The following UNC80 variants were observed in gnomAD, a reference collection of about 807,000 sequenced individuals.
UNC80 encodes protein unc-80 homolog.
A neutral mutation model predicts 384.6 loss-of-function variants in UNC80; 164 were observed. The ratio of observed to expected loss-of-function variants is 0.43; its 90% CI spans 0.38 to 0.49. The LOEUF is 0.49. Ranked by LOEUF, UNC80 falls within the 20% of genes least tolerant of loss-of-function variation. UNC80 has a pLI of 0.00. For synonymous variants in UNC80, 1,486 were observed against 1,527.8 expected, an observed-to-expected ratio of 0.97 and a Z score of 0.64; for missense variants, 3,330 against 4,143.0, an observed-to-expected ratio of 0.80 and a Z score of 5.39.
At chr2:209,806,681 C>G (rs1219651351) in intron 7 of UNC80, among the ~76,000 whole-genome samples, 1 of 152,212 alleles carries the variant, frequency 6.6e-6, no homozygotes, top group Non-Finnish European at 1.5e-5. Context: ...ATCCTAGTAA[C>G]AAAAGCTGTC....
chr2:209,820,327 T>C lies in UNC80; in HGVS notation c.1979T>C (p.Val660Ala). Residue 660 changes from valine to alanine, a missense_variant, in exon 13 of 65, where the codon GTT (valine) becomes GCT (alanine). Coordinates refer to ENST00000673920, the MANE Select transcript of UNC80 (RefSeq NM_001371986.1). ...TTTCCTCAGGTAGTTCTGAAGGCTG[T>C]TTATCTTGTCCTTAATCATGACATC... ...MLDLSVVLKAVYLVLNHDISS... is the reference protein window; with the variant it reads ...MLDLSVVLKAAYLVLNHDISS... 6.5e-7 allele frequency: 1 copy of C among 1,544,608 alleles called. No individual in the cohort carries two copies. The highest frequency in any genetic ancestry group is 8.7e-7 in the Non-Finnish European group (1 of 1,144,084).
At chr2:209,785,952 A>T in intron 4 of UNC80, 114 bp from the exon 5 acceptor site, 2 of 1,237,444 alleles carry the variant, frequency 1.6e-6, no homozygotes, top group South Asian at 1.7e-5. Context: ...GGTTTGGCAG[A>T]TAAATTCACT....
chr2:209,950,304 T>C (rs1034453043), intron 47 of UNC80, among the ~76,000 whole-genome samples: 1 of 152,162 alleles, frequency 6.6e-6, no homozygotes, highest in African/African-American at 2.4e-5. Flanking sequence ...CTAAATTTAT[T>C]GACAGAAATT....
chr2:209,945,141 T>G lies in UNC80; in HGVS notation c.7141T>G (p.Leu2381Val), dbSNP rs1261168375. The change falls in exon 46 of 65, where the codon TTA (leucine) becomes GTA (valine). Residue 2381 changes from leucine to valine, a missense_variant. Coordinates refer to ENST00000673920, the MANE Select transcript of UNC80 (RefSeq NM_001371986.1). ...CCTAGAGGGAGAGACCACCGACATATTAGACATCTTAGAGCTGGTCAAAGC... is the reference window on the plus strand; with the variant it reads ...CCTAGAGGGAGAGACCACCGACATAGTAGACATCTTAGAGCTGGTCAAAGC... ...QSLEGETTDI[L>V]DILELVKAEK... The G allele has an allele frequency of 3.4e-5, 53 of 1,551,462 alleles. No homozygotes were observed. Among genetic ancestry groups the G allele is most frequent in the Non-Finnish European group, 4.6e-5 (53 of 1,146,910 alleles).
At chr2:209,782,160 A>G (rs1449066428) in intron 4 of UNC80, among the ~76,000 whole-genome samples, 1 of 152,152 alleles carries the variant, frequency 6.6e-6, no homozygotes, top group African/African-American at 2.4e-5. Context: ...AAGGTGACCT[A>G]TCAAAAATGT....
intron 6 of UNC80, among the ~76,000 whole-genome samples, chr2:209,792,662 T>A (rs1236745519): frequency 6.6e-6 from 1 of 152,212 alleles, no homozygotes; most frequent in African/African-American, 2.4e-5. Flanking sequence ...TTAATACTTT[T>A]TATATTGATT....
At chr2:209,974,446 C>G (rs925212446) in intron 56 of UNC80, among the ~76,000 whole-genome samples, 1 of 152,178 alleles carries the variant, frequency 6.6e-6, no homozygotes, top group African/African-American at 2.4e-5. Flanking sequence ...TCACCATGTA[C>G]AGGAAGGATA....
At chr2:209,820,101 T>C (rs906842425) in intron 12 of UNC80, among the ~76,000 whole-genome samples, 6 of 152,218 alleles carry the variant, frequency 3.9e-5, no homozygotes, top group Non-Finnish European at 5.9e-5. Context: ...GTATATATTT[T>C]TAATACTTTG....
At chr2:209,813,354 A>G (rs950846380) in intron 7 of UNC80, among the ~76,000 whole-genome samples, 2 of 152,204 alleles carry the variant, frequency 1.3e-5, no homozygotes, top group Non-Finnish European at 2.9e-5. Context: ...TTGCCTTGCT[A>G]ATTCCTATCC....
At position 209,809,719 on chromosome 2, in the gene UNC80, C is replaced by T. The variant is rs1457987761; in HGVS notation, c.939-3861C>T. The T allele has an allele frequency of 6.3e-6, 3 of 479,646 alleles. No homozygotes were observed. The East Asian group carries it at 1.0e-4, about 17-fold the overall frequency. The allele number at this position is 479,646 out of a possible 1,614,324, so 29.7% of individuals were successfully genotyped here. The stretch of plus-strand genomic sequence containing the variant: ...TCCTGAGCGCCCCCATTTCTGGATG[C>T]ATCAGCCGCACGGGACTTTGATGAA... On this transcript the variant is annotated intron_variant, in intron 7 of 64. Coordinates refer to ENST00000673920, the MANE Select transcript of UNC80 (RefSeq NM_001371986.1).
chr2:209,829,123 T>C (rs1330004292), intron 14 of UNC80, 109 bp from the exon 15 acceptor site: 12 of 1,326,548 alleles, frequency 9.0e-6, no homozygotes, highest in Middle Eastern at 5.3e-4. Context: ...CACCAGCGAG[T>C]GGGGATGGTT....
At chr2:209,989,969 C>A (rs892762447) in intron 61 of UNC80, among the ~76,000 whole-genome samples, 74 of 152,256 alleles carry the variant, frequency 4.9e-4, no homozygotes, top group Middle Eastern at 3.4e-3. Context: ...TGGGATATTT[C>A]CAAGGATATA....
At chr2:209,863,053 T>C (rs903010621) in intron 22 of UNC80, among the ~76,000 whole-genome samples, 3 of 152,208 alleles carry the variant, frequency 2.0e-5, no homozygotes, top group Admixed American at 6.5e-5. Flanking sequence ...CCTCAGCATT[T>C]GCTTGTTTGG....
Position 209,978,504 on chromosome 2 carries a change from T to C in UNC80, c.8939-25T>C, listed in dbSNP as rs910744342. 14 of 1,495,294 alleles carry C rather than the reference T, an allele frequency of 9.4e-6. No individual in the cohort carries two copies. The African/African-American group carries it at 1.9e-4, about 21-fold the overall frequency. The allele number at this position is 1,495,294 out of a possible 1,614,324, so 92.6% of individuals were successfully genotyped here. A position where few individuals can be genotyped will look rare whatever the true frequency, so the allele number is the denominator to read the frequency against. Reference sequence around the variant, plus strand: ...ACATTTAAGATTCTCACCATGCATTTCCTTTGGTCTCTCGCATCCTCTAGC... The same window carrying C: ...ACATTTAAGATTCTCACCATGCATTCCCTTTGGTCTCTCGCATCCTCTAGC... On this transcript the variant is annotated intron_variant, in intron 58 of 64. Coordinates refer to ENST00000673920, the MANE Select transcript of UNC80 (RefSeq NM_001371986.1).
rs752162072 is a variant in UNC80 at position 209,982,326 on chromosome 2, C to T, written c.9257+9C>T. 1 of 1,549,884 alleles carries T rather than the reference C, an allele frequency of 6.5e-7. No homozygotes were observed. Among genetic ancestry groups the T allele is most frequent in the East Asian group, 2.4e-5 (1 of 40,894 alleles). On this transcript the variant is annotated intron_variant, in intron 60 of 64. Coordinates refer to ENST00000673920, the MANE Select transcript of UNC80 (RefSeq NM_001371986.1). Reference sequence around the variant, plus strand: ...ATGCTACCCAGCCAGAGGTAAACAGCTATGGTTATACTGTACTCTGCATTT... The same window carrying T: ...ATGCTACCCAGCCAGAGGTAAACAGTTATGGTTATACTGTACTCTGCATTT...
At chr2:209,885,235 G>A (rs375478523) in intron 25 of UNC80, among the ~76,000 whole-genome samples, 1 of 152,178 alleles carries the variant, frequency 6.6e-6, no homozygotes, top group East Asian at 1.9e-4. Context: ...TGGGGATGAA[G>A]GTGATACAGA....
chr2:209,947,009 G>A (rs1461837162), intron 47 of UNC80, among the ~76,000 whole-genome samples: 1 of 152,184 alleles, frequency 6.6e-6, no homozygotes, highest in Non-Finnish European at 1.5e-5. Flanking sequence ...GCAATGGGGA[G>A]AAAAACAGTA....
At chr2:209,914,743 T>G (rs1328484329) in intron 31 of UNC80, among the ~76,000 whole-genome samples, 1 of 152,014 alleles carries the variant, frequency 6.6e-6, no homozygotes, top group Non-Finnish European at 1.5e-5. Context: ...GTTTTGTTTT[T>G]CATGCAAATG....
At chr2:209,809,725 C>A in intron 7 of UNC80, 1 of 475,190 alleles carries the variant, frequency 2.1e-6, no homozygotes, top group Non-Finnish European at 3.7e-6. Context: ...GATGCATCAG[C>A]CGCACGGGAC....
Sources: gnomAD v4.1 joint callset for allele counts (sites outside exome capture counted in the v4.1 genomes callset) on GRCh38, gnomAD v4.1.1 for gene constraint, MANE v1.5 for transcripts, NCBI Gene and HGNC (gene_info 2026-07-23, HGNC 2026-07-21) for gene names.